The following HEMK2 variants were observed in gnomAD, a reference collection of about 807,000 sequenced individuals.
HEMK2 encodes the protein HemK methyltransferase 2, ETF1 glutamine and histone H4 lysine, also known as methyltransferase HEMK2.
chr21:28,673,356 A>C, the HEMK2 span, among the ~76,000 whole-genome samples: 1 of 152,206 alleles, frequency 6.6e-6, no homozygotes, highest in African/African-American at 2.4e-5. Flanking sequence ...TAAAGAAAAG[A>C]AATTTGTCTG....
At chr21:28,881,326 G>C in the HEMK2 span, among the ~76,000 whole-genome samples, 1 of 152,182 alleles carries the variant, frequency 6.6e-6, no homozygotes. Flanking sequence ...GAGGCATTTT[G>C]AAGCCAATCA....
chr21:28,678,862 C>A, the HEMK2 span, among the ~76,000 whole-genome samples: 1 of 152,146 alleles, frequency 6.6e-6, no homozygotes, highest in Admixed American at 6.5e-5. Flanking sequence ...TTTGTTACCA[C>A]CAGGCCTGCC....
At chr21:28,675,960 G>C in the HEMK2 span, among the ~76,000 whole-genome samples, 1 of 152,178 alleles carries the variant, frequency 6.6e-6, no homozygotes, top group Non-Finnish European at 1.5e-5. Flanking sequence ...TGCAAGTCCA[G>C]CTGGGCATTA....
the HEMK2 span, among the ~76,000 whole-genome samples, chr21:28,695,646 G>A: frequency 5.3e-3 from 800 of 151,956 alleles, 7 homozygotes; most frequent in African/African-American, 0.018. Flanking sequence ...CCCTTGACAC[G>A]TGGGGATTAT....
At chr21:28,863,234 T>C in the HEMK2 span, among the ~76,000 whole-genome samples, 1 of 151,364 alleles carries the variant, frequency 6.6e-6, no homozygotes, top group Non-Finnish European at 1.5e-5. Flanking sequence ...AAAGAGAGAC[T>C]GGCCTAGCCT....
chr21:28,629,941 ATATAT>A, the HEMK2 span, among the ~76,000 whole-genome samples: 611 of 145,708 alleles, frequency 4.2e-3, 12 homozygotes, highest in East Asian at 0.069. Context: ...TTTTTTTTTG[ATATAT>A]TATTTTATTT....
the HEMK2 span, among the ~76,000 whole-genome samples, chr21:28,719,358 C>G: frequency 6.6e-6 from 1 of 152,128 alleles, no homozygotes; most frequent in East Asian, 1.9e-4. Flanking sequence ...ATAACTGAAT[C>G]ATGGGGGTGG....
the HEMK2 span, among the ~76,000 whole-genome samples, chr21:28,680,258 G>A: frequency 6.6e-6 from 1 of 152,128 alleles, no homozygotes; most frequent in Non-Finnish European, 1.5e-5. Context: ...TATCATCAGA[G>A]AATACTAGAA....
the HEMK2 span, among the ~76,000 whole-genome samples, chr21:28,613,586 A>G: frequency 1.6e-5 from 2 of 125,008 alleles, no homozygotes; most frequent in African/African-American, 6.2e-5. Flanking sequence ...CCTCACTATT[A>G]TGGTAGCCTT....
chr21:28,838,740 G>A, the HEMK2 span, among the ~76,000 whole-genome samples: 1 of 151,016 alleles, frequency 6.6e-6, no homozygotes, highest in Non-Finnish European at 1.5e-5. Context: ...GGTAGTTCGA[G>A]ACCAGCCTGA....
At chr21:28,762,398 C>A in the HEMK2 span, among the ~76,000 whole-genome samples, 1 of 150,638 alleles carries the variant, frequency 6.6e-6, no homozygotes, top group African/African-American at 2.5e-5. Context: ...AAAGCTGAGT[C>A]TCACCTTATT....
the HEMK2 span, chr21:28,876,192 A>C: frequency 2.6e-6 from 1 of 384,154 alleles, no homozygotes; most frequent in Non-Finnish European, 4.6e-6. Context: ...TGCAAACTAT[A>C]AATATAATAC....
chr21:28,813,789 T>G, the HEMK2 span, among the ~76,000 whole-genome samples: 1 of 152,208 alleles, frequency 6.6e-6, no homozygotes, highest in Non-Finnish European at 1.5e-5. Flanking sequence ...TACAATTATC[T>G]GATCTTTGAC....
chr21:28,610,109 G>T, the HEMK2 span, among the ~76,000 whole-genome samples: 1 of 152,220 alleles, frequency 6.6e-6, no homozygotes, highest in East Asian at 1.9e-4. Context: ...TGGTCATCAG[G>T]TTGTTTATAG....
the HEMK2 span, among the ~76,000 whole-genome samples, chr21:28,648,995 C>T: frequency 6.8e-6 from 1 of 146,128 alleles, no homozygotes; most frequent in African/African-American, 2.6e-5. Flanking sequence ...TCCATGTGTT[C>T]TCATGGTTCA....
the HEMK2 span, among the ~76,000 whole-genome samples, chr21:28,618,990 G>T: frequency 6.6e-6 from 1 of 152,128 alleles, no homozygotes; most frequent in Non-Finnish European, 1.5e-5. Context: ...CAAAAGCTAT[G>T]AAGTTAAAAT....
chr21:28,612,486 G>A, the HEMK2 span, among the ~76,000 whole-genome samples: 1 of 152,084 alleles, frequency 6.6e-6, no homozygotes, highest in African/African-American at 2.4e-5. Context: ...ACACTGAATG[G>A]GAAAAAGTTG....
the HEMK2 span, chr21:28,879,859 G>GT: frequency 2.6e-6 from 4 of 1,530,786 alleles, no homozygotes; most frequent in East Asian, 4.6e-5. Context: ...AAATTTTGTT[G>GT]TATGTTTTAC....
chr21:28,630,849 C>T, the HEMK2 span, among the ~76,000 whole-genome samples: 3 of 151,592 alleles, frequency 2.0e-5, no homozygotes, highest in African/African-American at 7.3e-5. Context: ...TTAATGGGTG[C>T]AGCACACCAA....
Sources: gnomAD v4.1 joint callset for allele counts (sites outside exome capture counted in the v4.1 genomes callset) on GRCh38, gnomAD v4.1.1 for gene constraint, MANE v1.5 for transcripts, NCBI Gene and HGNC (gene_info 2026-07-23, HGNC 2026-07-21) for gene names.